Variants in NLRP1 observed in about 807,000 individuals in gnomAD.
NLRP1 encodes the protein NACHT, LRR and PYD domains-containing protein 1.
A neutral mutation model predicts 136.7 loss-of-function variants in NLRP1; 94 were observed. The ratio of observed to expected loss-of-function variants is 0.69; its 90% confidence interval spans 0.58 to 0.82. NLRP1 has a LOEUF of 0.82. NLRP1 is among the 40% of genes least tolerant of loss of function. The pLI is 0.00. For synonymous variants in NLRP1, 690 were observed against 725.1 expected (o/e 0.95, Z 0.78); for missense variants, 1,575 against 1,802.7 (o/e 0.87, Z 2.29).
At chr17:5,543,870 G>T (rs1950768437) in intron 5 of NLRP1, among the ~76,000 whole-genome samples, 1 of 152,124 alleles carries the variant, frequency 6.6e-6, no homozygotes, top group Admixed American at 6.5e-5. Context: ...TGAGAAAGCA[G>T]ATGTTAGAAG....
In NLRP1 at chr17:5,514,851, T is replaced by C. The variant is rs766966104; in HGVS notation, c.4325A>G (p.Asp1442Gly). ...CTCCTTCAGGGCTTGGTAGAGTCCA[T>C]CTTTGCACTTCCGGTCCCAGGACTG... ...LSQSWDRKCK[D>G]GLYQALKETH... The change falls in exon 17 of 17, where the codon GAT (aspartate) becomes GGT (glycine). Residue 1442 changes from aspartate to glycine, a missense_variant. Asp to Gly is a moderately conservative substitution (Grantham distance 94). Transcript: ENST00000572272. 6.2e-7 allele frequency: 1 copy of C among 1,614,116 alleles called. No individual in the cohort carries two copies. The highest frequency in any genetic ancestry group is 8.5e-7 in the Non-Finnish European group (1 of 1,180,018).
chr17:5,553,370 C>G lies in NLRP1; in HGVS notation c.2528+16G>C. ...TCCCCATCCCTGCTTCAGAACAGAACCCAGGCCAGACTCACCGCAGGGTCT... is the reference window on the plus strand; with the variant it reads ...TCCCCATCCCTGCTTCAGAACAGAAGCCAGGCCAGACTCACCGCAGGGTCT... On this transcript the variant is annotated intron_variant, in intron 5 of 16. Coordinates refer to ENST00000572272, the MANE Select transcript of NLRP1 (RefSeq NM_033004.4). The G allele has an allele frequency of 6.2e-7, 1 of 1,602,962 alleles. No homozygotes were observed. Among genetic ancestry groups the G allele is most frequent in the African/African-American group, 1.3e-5 (1 of 74,844 alleles).
chr17:5,545,537 CACACACACAG>C (rs539696034), intron 5 of NLRP1, among the ~76,000 whole-genome samples: 91 of 115,978 alleles, frequency 7.8e-4, no homozygotes, highest in Admixed American at 1.6e-3. Flanking sequence ...CAGACACAGA[CACACACACAG>C]ACACACACAG....
At chr17:5,553,923 A>G (rs1913704172) in intron 4 of NLRP1, among the ~76,000 whole-genome samples, 1 of 151,214 alleles carries the variant, frequency 6.6e-6, no homozygotes, top group Admixed American at 6.6e-5. Flanking sequence ...AGCACTGCAG[A>G]TAAGAAAAAA....
intron 15 of NLRP1, chr17:5,502,936 T>A (rs1597384383): frequency 6.7e-6 from 1 of 149,990 alleles, no homozygotes; most frequent in East Asian, 2.0e-4. Flanking sequence ...TAAGGTGGAG[T>A]GGAAGAATAT....
intron 3 of NLRP1, among the ~76,000 whole-genome samples, chr17:5,561,141 C>A (rs143028852): frequency 0.016 from 2,481 of 152,326 alleles, 64 homozygotes; most frequent in African/African-American, 0.053. Flanking sequence ...ACCGCAACCT[C>A]CGCCTCCCAG....
intron 3 of NLRP1, among the ~76,000 whole-genome samples, chr17:5,575,401 T>C (rs927152986): frequency 8.5e-5 from 13 of 152,076 alleles, no homozygotes; most frequent in Admixed American, 8.5e-4. Context: ...AAGACACACA[T>C]AGGCTCAAAA....
chr17:5,528,179 G>A (rs533188422), intron 12 of NLRP1, among the ~76,000 whole-genome samples: 17 of 152,308 alleles, frequency 1.1e-4, no homozygotes, highest in African/African-American at 3.8e-4. Flanking sequence ...TATTAGCCAG[G>A]CCCCTCTCTT....
intron 3 of NLRP1, among the ~76,000 whole-genome samples, chr17:5,566,774 CTATTATTG>C (rs879289054): frequency 3.8e-4 from 58 of 152,170 alleles, no homozygotes; most frequent in Admixed American, 8.5e-4. Flanking sequence ...AAGTCTCCAG[CTATTATTG>C]TATTGAGGCC....
chr17:5,554,205 TG>T (rs1273252011), intron 4 of NLRP1, among the ~76,000 whole-genome samples: 1 of 152,120 alleles, frequency 6.6e-6, no homozygotes, highest in African/African-American at 2.4e-5. Flanking sequence ...AGGAGAGGGA[TG>T]GCTGTGGGGA....
Position 5,514,270 on chromosome 17 carries a change from C to G in NLRP1, c.*484G>C, listed in dbSNP as rs201201968. 3 of 320,948 alleles carry G rather than the reference C, an allele frequency of 9.3e-6. No homozygotes were observed. The highest frequency in any genetic ancestry group is 1.4e-5 in the Non-Finnish European group (3 of 220,434). 19.9% of individuals were successfully genotyped at this position (320,948 alleles called of 1,614,324 possible). A position where few individuals can be genotyped will look rare whatever the true frequency, so the allele number is the denominator to read the frequency against. ...CAAATTCTAAAAGAGCTGTGATACTCCTTTATTTTCTGAATAAACTTCCTT... is the reference window on the plus strand; with the variant it reads ...CAAATTCTAAAAGAGCTGTGATACTGCTTTATTTTCTGAATAAACTTCCTT... On this transcript the variant is annotated 3_prime_UTR_variant, in exon 17 of 17. Coordinates refer to ENST00000572272, the MANE Select transcript of NLRP1 (RefSeq NM_033004.4).
At chr17:5,513,938 C>T (rs373517701), downstream of NLRP1, among the ~76,000 whole-genome samples, 6 of 152,256 alleles carry the variant, frequency 3.9e-5, no homozygotes, top group East Asian at 5.8e-4. Flanking sequence ...AGTTTACGAA[C>T]GCCATGGCAG....
chr17:5,524,845 G>A (rs1211396844), intron 12 of NLRP1, among the ~76,000 whole-genome samples: 1 of 152,122 alleles, frequency 6.6e-6, no homozygotes, highest in Non-Finnish European at 1.5e-5. Context: ...TTCTTGCTAG[G>A]GTGACCAACT....
At chr17:5,553,206 AT>A (rs71151873) in intron 5 of NLRP1, among the ~76,000 whole-genome samples, 179 bp downstream of exon 5, 10,356 of 148,296 alleles carry the variant, frequency 0.07, 807 homozygotes, top group African/African-American at 0.19. Context: ...TCATGAAGGA[AT>A]TTTTTTTTTT....
chr17:5,508,498 CT>C (rs1907469684), intron 15 of NLRP1, among the ~76,000 whole-genome samples: 1 of 94,862 alleles, frequency 1.1e-5, no homozygotes, highest in Non-Finnish European at 1.8e-5. Context: ...TATTTATGCC[CT>C]TTGATACTAT....
At chr17:5,566,870 T>C (rs944736510) in intron 3 of NLRP1, among the ~76,000 whole-genome samples, 2 of 152,128 alleles carry the variant, frequency 1.3e-5, no homozygotes, top group Non-Finnish European at 1.5e-5. Context: ...ATATTTAAAA[T>C]TGTTATATCC....
chr17:5,546,897 T>A (rs1329652519), intron 5 of NLRP1, among the ~76,000 whole-genome samples: 3 of 152,198 alleles, frequency 2.0e-5, no homozygotes, highest in Non-Finnish European at 4.4e-5. Context: ...GTGGGAAATA[T>A]TCACATTTGC....
At chr17:5,571,445 G>A (rs746941388) in intron 3 of NLRP1, among the ~76,000 whole-genome samples, 84 of 152,258 alleles carry the variant, frequency 5.5e-4, no homozygotes, top group Admixed American at 2.0e-3. Flanking sequence ...CTATTGGGTA[G>A]TAAGTATTAT....
chr17:5,572,757 C>T (rs1226317044), intron 3 of NLRP1, among the ~76,000 whole-genome samples: 1 of 149,594 alleles, frequency 6.7e-6, no homozygotes, highest in Non-Finnish European at 1.5e-5. Flanking sequence ...ATAGACTCTT[C>T]AAAAGAAGAC....
Sources: allele counts gnomAD v4.1 joint callset (sites outside exome capture counted in the v4.1 genomes callset), GRCh38; gene constraint gnomAD v4.1.1; transcripts MANE v1.5; gene names NCBI Gene and HGNC (gene_info 2026-07-23, HGNC 2026-07-21).